The following SH3TC1 variants were observed in gnomAD, a reference collection of about 807,000 sequenced individuals.
SH3TC1 encodes SH3 domain and tetratricopeptide repeat-containing protein 1.
A neutral mutation model predicts 117.3 loss-of-function variants in SH3TC1; 135 were observed. That is an observed-to-expected ratio of 1.15 (90% CI 1.00 to 1.33). The LOEUF is 1.33. Ranked by LOEUF, SH3TC1 falls within the 40% of genes most tolerant of loss-of-function variation. The probability of loss-of-function intolerance (pLI) is 0.00; values close to 1 mark genes in which losing one functional copy is unlikely to be tolerated. For missense variants in SH3TC1, 2,092 were observed against 1,794.3 expected, an observed-to-expected ratio of 1.17 and a Z score of -3.00; for synonymous variants, 898 against 816.9, an observed-to-expected ratio of 1.10 and a Z score of -1.69.
intron 15 of SH3TC1, 63 bp from the exon 16 acceptor site, chr4:8,236,215 T>C (rs923917354): frequency 2.0e-6 from 3 of 1,481,994 alleles, no homozygotes; most frequent in African/African-American, 1.4e-5. Context: ...GTTTGAGCTC[T>C]GAGGAGGGCG....
chr4:8,202,236 C>T (rs373946782), intron 1 of SH3TC1, among the ~76,000 whole-genome samples: 1 of 152,182 alleles, frequency 6.6e-6, no homozygotes, highest in Non-Finnish European at 1.5e-5. Context: ...CGAGGCTGGG[C>T]GAGGGCAGCC....
intron 14 of SH3TC1, among the ~76,000 whole-genome samples, chr4:8,234,339 T>G (rs1032629155): frequency 6.6e-6 from 1 of 151,554 alleles, no homozygotes; most frequent in Non-Finnish European, 1.5e-5. Context: ...TCCATTCGTC[T>G]GTCTGTCCAT....
At chr4:8,215,535 C>G (rs1362896577) in intron 5 of SH3TC1, among the ~76,000 whole-genome samples, 1 of 152,160 alleles carries the variant, frequency 6.6e-6, no homozygotes, top group African/African-American at 2.4e-5. Flanking sequence ...CTTCCTGTCT[C>G]CCTCTTTCAG....
In SH3TC1 at chr4:8,227,231, G is replaced by A. The variant is rs750803266; in HGVS notation, c.1537G>A (p.Ala513Thr). ...LLFLNAPGYKASFRGLYDVAL... is the reference protein window; with the variant it reads ...LLFLNAPGYKTSFRGLYDVAL... Reference sequence around the variant, plus strand: ...GTTCCTGAACGCCCCTGGGTACAAGGCCAGCTTCCGTGGCCTGTACGATGT... The same window carrying A: ...GTTCCTGAACGCCCCTGGGTACAAGACCAGCTTCCGTGGCCTGTACGATGT... Residue 513 changes from alanine to threonine, a missense_variant, in exon 12 of 18, where the codon GCC (alanine) becomes ACC (threonine). Ala to Thr is a moderately conservative substitution (Grantham distance 58). Transcript: ENST00000245105. 1 of 1,578,666 alleles carries A rather than the reference G, an allele frequency of 6.3e-7. No individual in the cohort carries two copies. The highest frequency in any genetic ancestry group is 1.1e-5 in the South Asian group (1 of 87,886).
At chr4:8,208,649 G>A (rs115271319) in intron 2 of SH3TC1, among the ~76,000 whole-genome samples, 2,272 of 152,326 alleles carry the variant, frequency 0.015, 57 homozygotes, top group African/African-American at 0.052. Flanking sequence ...CACTGCGCCC[G>A]GCCCATTTGA....
rs1292064206 is a variant in SH3TC1, at chr4:8,228,354, A to G, written c.2660A>G (p.Tyr887Cys). The G allele has an allele frequency of 4.3e-6, 7 of 1,611,788 alleles. No individual in the cohort carries two copies. Among genetic ancestry groups the G allele is most frequent in the African/African-American group, 4.0e-5 (3 of 75,048 alleles). Residue 887 changes from tyrosine to cysteine, a missense_variant, in exon 12 of 18, where the codon TAC (tyrosine) becomes TGC (cysteine). Coordinates refer to ENST00000245105, the MANE Select transcript of SH3TC1 (RefSeq NM_018986.5). ...GRTRQAAESY[Y>C]RALRVARDLG... ...ACGAGGCAGGCAGCTGAGAGCTACTACCGCGCCCTGCGGGTGGCTCGGGAC... is the reference window on the plus strand; with the variant it reads ...ACGAGGCAGGCAGCTGAGAGCTACTGCCGCGCCCTGCGGGTGGCTCGGGAC...
At chr4:8,239,324 G>A (rs1343230153) in intron 17 of SH3TC1, among the ~76,000 whole-genome samples, 1 of 146,196 alleles carries the variant, frequency 6.8e-6, no homozygotes, top group Non-Finnish European at 1.5e-5. Flanking sequence ...CAGGCACAGA[G>A]ACACATGCAC....
In SH3TC1 at chr4:8,219,355, T is replaced by A; in HGVS notation, c.937T>A (p.Leu313Met). Residue 313 changes from leucine (L) to methionine (M), a missense_variant, in exon 9 of 18, where the codon TTG becomes ATG. Transcript: ENST00000245105. ...PLMAVGLASA[L>M]ADFQGSGPEE... ...CGCAGCTGTGGGCCTGGCCTCGGCA[T>A]TGGCAGACTTCCAGGGCTCGGGGCC... 6.2e-7 allele frequency: 1 copy of A among 1,600,072 alleles called. No individual in the cohort carries two copies. Among genetic ancestry groups the A allele is most frequent in the Non-Finnish European group, 8.5e-7 (1 of 1,170,798 alleles).
chr4:8,185,546 G>A (rs1561669722), intron 1 of SH3TC1, among the ~76,000 whole-genome samples: 1 of 151,986 alleles, frequency 6.6e-6, no homozygotes, highest in Non-Finnish European at 1.5e-5. Context: ...AAACAGATGC[G>A]AACGCATCCT....
rs112885676 is a variant in SH3TC1, at chr4:8,219,596, C to A, written c.1112+66C>A. ...CATCTCACCTAAGGGGACGTTGCTG[C>A]GTCCACCTGGCTCCCCAGGTAACAA... On this transcript the variant is annotated intron_variant, in intron 9 of 17. Transcript: ENST00000245105. The A allele has an allele frequency of 2.2e-6, 3 of 1,390,696 alleles. No individual in the cohort carries two copies. In the Admixed American group the frequency reaches 9.3e-5, roughly 43 times the overall value. 86.1% of individuals were successfully genotyped at this position (1,390,696 alleles called of 1,614,324 possible).
intron 5 of SH3TC1, among the ~76,000 whole-genome samples, chr4:8,214,865 T>C (rs1404667576): frequency 6.6e-6 from 1 of 152,174 alleles, no homozygotes; most frequent in Admixed American, 6.5e-5. Flanking sequence ...TTTGTATTTT[T>C]AGTAGAGATG....
intron 15 of SH3TC1, 100 bp from the exon 16 acceptor site, chr4:8,236,178 C>G: frequency 7.2e-7 from 1 of 1,381,860 alleles, no homozygotes; most frequent in Non-Finnish European, 9.5e-7. Flanking sequence ...CCAGGGGTAG[C>G]TGGGGCGTGG....
intron 17 of SH3TC1, among the ~76,000 whole-genome samples, chr4:8,239,458 GCACA>G (rs1722135826): frequency 6.8e-6 from 1 of 146,704 alleles, no homozygotes; most frequent in African/African-American, 2.5e-5. Context: ...ACACGCAGAT[GCACA>G]CAGGCATATG....
Position 8,216,978 on chromosome 4 carries a change from C to T in SH3TC1, c.650C>T (p.Pro217Leu). 6.2e-7 allele frequency: 1 copy of T among 1,614,080 alleles called. No individual in the cohort carries two copies. Among genetic ancestry groups the T allele is most frequent in the East Asian group, 2.2e-5 (1 of 44,884 alleles). ...IQEGPFFVLC[P>L]DHHVRVMTGP... The stretch of plus-strand genomic sequence containing the variant: ...GAAGGGCCCTTCTTTGTCCTGTGTC[C>T]TGACCACCATGTGAGAGTGATGACG... Residue 217 changes from proline to leucine, a missense_variant, in exon 7 of 18, where the codon CCT (proline) becomes CTT (leucine). Physicochemically the swap from Pro to Leu is moderately conservative, Grantham distance 98. Coordinates refer to ENST00000245105, the MANE Select transcript of SH3TC1 (RefSeq NM_018986.5).
chr4:8,184,679 G>C (rs1276328706), intron 1 of SH3TC1, among the ~76,000 whole-genome samples: 1 of 152,154 alleles, frequency 6.6e-6, no homozygotes, highest in Non-Finnish European at 1.5e-5. Flanking sequence ...GTGGCCGGCT[G>C]GAAAGCAACT....
chr4:8,228,761 G>C, intron 12 of SH3TC1, 117 bp downstream of exon 12: 1 of 902,596 alleles, frequency 1.1e-6, no homozygotes, highest in Non-Finnish European at 1.6e-6. Flanking sequence ...GCTGAGTCAT[G>C]GCAAACAGCA....
At chr4:8,211,833 A>G (rs1718761286) in intron 3 of SH3TC1, among the ~76,000 whole-genome samples, 1 of 152,062 alleles carries the variant, frequency 6.6e-6, no homozygotes, top group Non-Finnish European at 1.5e-5. Context: ...GACACAGCAG[A>G]CAGAGCACGT....
At chr4:8,201,959 A>G (rs1184141191) in intron 1 of SH3TC1, among the ~76,000 whole-genome samples, 2 of 152,208 alleles carry the variant, frequency 1.3e-5, no homozygotes, top group Non-Finnish European at 2.9e-5. Flanking sequence ...AGGGACAAAA[A>G]GGCAGAGATG....
chr4:8,216,044 A>G (rs1021261025), intron 5 of SH3TC1, 67 bp from the exon 6 acceptor site: 2 of 1,583,676 alleles, frequency 1.3e-6, no homozygotes, highest in Non-Finnish European at 1.7e-6. Context: ...ACCTGGGACC[A>G]CACAGGCTTC....
Sources: allele counts gnomAD v4.1 joint callset (sites outside exome capture counted in the v4.1 genomes callset), GRCh38; gene constraint gnomAD v4.1.1; transcripts MANE v1.5; gene names NCBI Gene and HGNC (gene_info 2026-07-23, HGNC 2026-07-21).